CSNK1G1: variants seen among roughly 807,000 people sequenced by gnomAD.
The protein encoded by CSNK1G1 is casein kinase 1 gamma 1.
Under a neutral mutation model 59.6 loss-of-function variants are expected in CSNK1G1, and 22 were observed. That is an observed-to-expected ratio of 0.37 (90% confidence interval 0.26 to 0.53). CSNK1G1 has a LOEUF of 0.53. CSNK1G1 is among the 20% of genes least tolerant of loss of function. The probability of loss-of-function intolerance (pLI) is 0.89; values close to 1 mark genes in which losing one functional copy is unlikely to be tolerated. For missense variants in CSNK1G1, 384 were observed against 519.5 expected (o/e 0.74, Z 2.54); for synonymous variants, 179 against 177.1 (o/e 1.01, Z -0.08).
At chr15:64,181,217 T>C in intron 10 of CSNK1G1, 5 of 1,534,958 alleles carry the variant, frequency 3.3e-6, no homozygotes, top group Non-Finnish European at 3.5e-6. Context: ...TTCACTGCCA[T>C]CCCAGTTCTC....
intron 2 of CSNK1G1, among the ~76,000 whole-genome samples, chr15:64,268,591 A>G (rs1160050645): frequency 6.6e-6 from 1 of 152,148 alleles, no homozygotes; most frequent in Non-Finnish European, 1.5e-5. Context: ...AAAGATGTGT[A>G]CCTTAGGTTA....
At chr15:64,194,900 C>G (rs2082020340) in intron 10 of CSNK1G1, 1 of 152,202 alleles carries the variant, frequency 6.6e-6, no homozygotes, top group South Asian at 2.1e-4. Flanking sequence ...TTACTGGAGG[C>G]ATATCTTCTT....
intron 7 of CSNK1G1, among the ~76,000 whole-genome samples, chr15:64,206,015 A>C (rs973364324): frequency 2.0e-5 from 3 of 152,178 alleles, no homozygotes; most frequent in African/African-American, 7.2e-5. Context: ...CAACCAAAAA[A>C]TATGTCTTGG....
chr15:64,187,355 C>T (rs1439598424), intron 10 of CSNK1G1, among the ~76,000 whole-genome samples: 2 of 149,176 alleles, frequency 1.3e-5, no homozygotes, highest in Admixed American at 6.7e-5. Flanking sequence ...CCGGGCCTGG[C>T]TAATTTTTTT....
intron 3 of CSNK1G1, among the ~76,000 whole-genome samples, chr15:64,256,775 G>T (rs1892398158): frequency 6.6e-6 from 1 of 152,044 alleles, no homozygotes; most frequent in African/African-American, 2.4e-5. Flanking sequence ...TAAGAAAAAA[G>T]AGTCCACAAT....
At chr15:64,335,626 TA>T (rs1441832218) in intron 1 of CSNK1G1, among the ~76,000 whole-genome samples, 1 of 152,232 alleles carries the variant, frequency 6.6e-6, no homozygotes, top group African/African-American at 2.4e-5. Context: ...ATTTGAATTT[TA>T]AGCTTTAATA....
intron 2 of CSNK1G1, among the ~76,000 whole-genome samples, chr15:64,278,432 A>T (rs12443216): frequency 0.52 from 66,567 of 127,476 alleles, 17,594 homozygotes; most frequent in African/African-American, 0.66. Context: ...ATATATATAT[A>T]TTTTTTTTTT....
In CSNK1G1 at chr15:64,210,395, T is replaced by C. The variant is rs1361818480; in HGVS notation, c.680-2801A>G. Among the ~76,000 whole-genome samples, 1 of 152,224 alleles carries C rather than the reference T, an allele frequency of 6.6e-6. No individual in the cohort carries two copies. Among genetic ancestry groups the C allele is most frequent in the Non-Finnish European group, 1.5e-5 (1 of 68,040 alleles). ...AGAGTGAAAACCAGAGCATGCTTTATTTTCATACGACTTTGAACACTCCAC... is the reference window on the plus strand; with the variant it reads ...AGAGTGAAAACCAGAGCATGCTTTACTTTCATACGACTTTGAACACTCCAC... On this transcript the variant is annotated intron_variant, in intron 6 of 11. Transcript: ENST00000303052. The surrounding 1 kb of genome is among the most constrained non-coding windows in gnomAD (Gnocchi z 4.2).
intron 2 of CSNK1G1, among the ~76,000 whole-genome samples, chr15:64,274,016 G>A (rs1376793577): frequency 6.6e-6 from 1 of 152,198 alleles, no homozygotes; most frequent in Non-Finnish European, 1.5e-5. Context: ...ATATAAAAGA[G>A]TATAATCACA....
intron 3 of CSNK1G1, among the ~76,000 whole-genome samples, chr15:64,255,332 C>T (rs531755610): frequency 2.6e-5 from 4 of 152,284 alleles, no homozygotes; most frequent in African/African-American, 9.6e-5. Flanking sequence ...ACCTCAGCCT[C>T]CCAAAGTCCT....
intron 11 of CSNK1G1, among the ~76,000 whole-genome samples, chr15:64,179,563 T>C (rs1458558143): frequency 6.6e-6 from 1 of 152,258 alleles, no homozygotes; most frequent in East Asian, 1.9e-4. Flanking sequence ...ATGGTGTCTC[T>C]ATCTCTCCCT....
In CSNK1G1 at chr15:64,176,454, C is replaced by T. The variant is rs944745911; in HGVS notation, c.1214+3894G>A. On this transcript the variant is annotated intron_variant, in intron 11 of 11. Coordinates refer to ENST00000303052, the MANE Select transcript of CSNK1G1 (RefSeq NM_022048.5). The surrounding 1 kb of genome is among the most constrained non-coding windows in gnomAD (Gnocchi z 5.2). ...AGGTAGGCTGAGTAGGCCCAGGCCA[C>T]TTGGTCCCCACGTTAAAGTGGAGGG... Among the ~76,000 whole-genome samples, 2 of 152,228 alleles carry T rather than the reference C, an allele frequency of 1.3e-5. No individual in the cohort carries two copies. Among genetic ancestry groups the T allele is most frequent in the African/African-American group, 4.8e-5 (2 of 41,462 alleles).
At chr15:64,241,106 C>T (rs978335631) in intron 4 of CSNK1G1, among the ~76,000 whole-genome samples, 2 of 152,082 alleles carry the variant, frequency 1.3e-5, no homozygotes, top group African/African-American at 4.8e-5. Flanking sequence ...GATGACCCAA[C>T]TATATACTGC....
At position 64,199,049 on chromosome 15, in the gene CSNK1G1, C is replaced by T. The variant is rs572192410; in HGVS notation, c.1107+4033G>A. Among the ~76,000 whole-genome samples, 9 of 150,694 alleles carry T rather than the reference C, an allele frequency of 6.0e-5. No homozygotes were observed. In the South Asian group the frequency reaches 6.3e-4, roughly 11 times the overall value. The stretch of plus-strand genomic sequence containing the variant: ...TTGAACCCAGGAATTTGAGAACAGC[C>T]TGAGAAACACAGTGAAACTGTCTCT... On this transcript the variant is annotated intron_variant, in intron 10 of 11. Coordinates refer to ENST00000303052, the MANE Select transcript of CSNK1G1 (RefSeq NM_022048.5).
At chr15:64,295,753 C>T (rs1894984931) in intron 2 of CSNK1G1, among the ~76,000 whole-genome samples, 1 of 152,132 alleles carries the variant, frequency 6.6e-6, no homozygotes, top group South Asian at 2.1e-4. Flanking sequence ...CAATACAACC[C>T]GAATTCTCTT....
At chr15:64,219,780 T>TTC (rs1375001446) in intron 4 of CSNK1G1, among the ~76,000 whole-genome samples, 5 of 148,904 alleles carry the variant, frequency 3.4e-5, no homozygotes, top group African/African-American at 1.2e-4. Context: ...TTCTTTTCTT[T>TTC]TTTTTTTTTT....
intron 10 of CSNK1G1, among the ~76,000 whole-genome samples, chr15:64,189,144 A>ATAC (rs1013776101): frequency 8.5e-5 from 13 of 152,096 alleles, no homozygotes; most frequent in Admixed American, 2.6e-4. Context: ...AATAATAATA[A>ATAC]TAACAAAAAA....
intron 4 of CSNK1G1, among the ~76,000 whole-genome samples, chr15:64,243,420 T>C (rs911906738): frequency 7.2e-5 from 11 of 152,058 alleles, no homozygotes; most frequent in African/African-American, 2.7e-4. Context: ...ACAAAGGTCA[T>C]ATAGGACAAA....
chr15:64,333,063 C>T lies in CSNK1G1; in HGVS notation c.-225+22925G>A, dbSNP rs529850344. ...CCTGAGGTTAGGAGTTCAAGACCAGCCTAGCCAACATGGTGAAATCCTGTC... is the reference window on the plus strand; with the variant it reads ...CCTGAGGTTAGGAGTTCAAGACCAGTCTAGCCAACATGGTGAAATCCTGTC... On this transcript the variant is annotated intron_variant, in intron 1 of 11. Transcript: ENST00000303052. Among the ~76,000 whole-genome samples the T allele has an allele frequency of 2.6e-5, 4 of 151,708 alleles. No homozygotes were observed. The East Asian group carries it at 7.7e-4, about 29-fold the overall frequency.
Sources: gnomAD v4.1 joint callset for allele counts (sites outside exome capture counted in the v4.1 genomes callset) on GRCh38, gnomAD v4.1.1 for gene constraint, Gnocchi (gnomAD v3.1) non-coding constraint, MANE v1.5 for transcripts, NCBI Gene and HGNC (gene_info 2026-07-23, HGNC 2026-07-21) for gene names.